The following ATOH8 variants were observed in gnomAD, a reference collection of about 807,000 sequenced individuals.
The protein encoded by ATOH8 is transcription factor ATOH8.
ATOH8 carries 9 observed loss-of-function variants against 21.2 expected under a neutral mutation model. The observed-to-expected ratio is 0.42, with a 90% confidence interval of 0.26 to 0.74. The LOEUF (loss-of-function observed/expected upper bound fraction) is 0.74, where lower values mean the gene tolerates loss of function less well. Among genes scored for constraint, ATOH8 ranks in the 30% least tolerant of loss-of-function variants. The probability of loss-of-function intolerance (pLI) is 0.24; values close to 1 mark genes in which losing one functional copy is unlikely to be tolerated. For synonymous variants in ATOH8, 253 were observed against 224.0 expected (o/e 1.13, Z -1.16); for missense variants, 524 against 470.9 (o/e 1.11, Z -1.04).
At chr2:85,768,551 G>T (rs764290859) in intron 2 of ATOH8, among the ~76,000 whole-genome samples, 2 of 151,192 alleles carry the variant, frequency 1.3e-5, no homozygotes, top group Non-Finnish European at 2.9e-5. Context: ...CCCATGCAGG[G>T]ACTGCTTCCC....
intron 2 of ATOH8, chr2:85,772,618 A>G: frequency 4.6e-6 from 2 of 430,172 alleles, no homozygotes; most frequent in Non-Finnish European, 9.2e-6. Context: ...ACCCTTTCAG[A>G]GCCTCATCAT....
rs899473065 is a variant in ATOH8, at chr2:85,788,522, T to C, written c.*1632T>C. On this transcript the variant is annotated 3_prime_UTR_variant, in exon 3 of 3. Coordinates refer to ENST00000306279, the MANE Select transcript of ATOH8 (RefSeq NM_032827.7). ...GCCCAAAGTCTCTTGTGTGGCCTTG[T>C]CACATTGCTTCACCTCAGCGGGCCT... Among the ~76,000 whole-genome samples, 1 of 152,104 alleles carries C rather than the reference T, an allele frequency of 6.6e-6. No homozygotes were observed. Among genetic ancestry groups the C allele is most frequent in the African/African-American group, 2.4e-5 (1 of 41,406 alleles).
At chr2:85,765,554 G>A (rs1679991032) in intron 2 of ATOH8, among the ~76,000 whole-genome samples, 1 of 152,208 alleles carries the variant, frequency 6.6e-6, no homozygotes, top group African/African-American at 2.4e-5. Flanking sequence ...GTAAATTAGG[G>A]CGTGATTGAT....
At chr2:85,763,857 T>TGTGTGTG in intron 1 of ATOH8, 134 bp from the exon 2 acceptor site, 2 of 697,038 alleles carry the variant, frequency 2.9e-6, no homozygotes, top group Non-Finnish European at 4.9e-6. Context: ...TGTGTGTGTG[T>TGTGTGTG]AAACAGCAGG....
intron 2 of ATOH8, among the ~76,000 whole-genome samples, chr2:85,765,857 G>A (rs1351654633): frequency 6.6e-6 from 1 of 152,206 alleles, no homozygotes; most frequent in Non-Finnish European, 1.5e-5. Context: ...GCCCGACAGA[G>A]CCGAGCTTTT....
Position 85,786,933 on chromosome 2 carries a change from T to C in ATOH8, c.*43T>C. 4 of 1,614,004 alleles carry C rather than the reference T, an allele frequency of 2.5e-6. No homozygotes were observed. Among genetic ancestry groups the C allele is most frequent in the Non-Finnish European group, 3.4e-6 (4 of 1,179,928 alleles). On this transcript the variant is annotated 3_prime_UTR_variant, in exon 3 of 3. Coordinates refer to ENST00000306279, the MANE Select transcript of ATOH8 (RefSeq NM_032827.7). ...CAAGGCCACCACTGTGGGCCCTCCT[T>C]CCAGTCAGGCCTGAGGACAAGGTGA...
At chr2:85,775,294 A>G (rs1204647588) in intron 2 of ATOH8, 1 of 985,144 alleles carries the variant, frequency 1.0e-6, no homozygotes, top group African/African-American at 1.7e-5. Flanking sequence ...TCTTTCCACT[A>G]AAATCCACAC....
At position 85,788,884 on chromosome 2, in the gene ATOH8, T is replaced by C. The variant is rs957176089; in HGVS notation, c.*1994T>C. On this transcript the variant is annotated 3_prime_UTR_variant, in exon 3 of 3. Coordinates refer to ENST00000306279, the MANE Select transcript of ATOH8 (RefSeq NM_032827.7). ...CAGAAACAGGGGACCCAGGTGGCCC[T>C]GAGCACTCCTCAGAGCAAAGGTGCT... Among the ~76,000 whole-genome samples, 30 of 152,266 alleles carry C rather than the reference T, an allele frequency of 2.0e-4. No individual in the cohort carries two copies. In the South Asian group the frequency reaches 3.9e-3, roughly 20 times the overall value.
intron 2 of ATOH8, chr2:85,781,176 C>A: frequency 3.0e-6 from 2 of 667,820 alleles, no homozygotes; most frequent in South Asian, 6.6e-5. Context: ...TGTGAGTACG[C>A]ATATGCATGG....
intron 2 of ATOH8, among the ~76,000 whole-genome samples, chr2:85,786,424 T>C (rs943134890): frequency 2.3e-4 from 35 of 152,326 alleles, no homozygotes; most frequent in African/African-American, 7.5e-4. Flanking sequence ...GGCAGGTGAA[T>C]GTGCTACAAC....
rs1253704326 is a variant in ATOH8, at chr2:85,785,201, C to A, written c.961-1684C>A. 6.6e-6 allele frequency among the ~76,000 whole-genome samples: 1 copy of A among 152,334 alleles called. No individual in the cohort carries two copies. The highest frequency in any genetic ancestry group is 1.5e-5 in the Non-Finnish European group (1 of 68,034). On this transcript the variant is annotated intron_variant, in intron 2 of 2. Transcript: ENST00000306279. This position sits in a 1 kb window ranked among gnomAD's most constrained non-coding sequence, Gnocchi z 4.1. Reference sequence around the variant, plus strand: ...TGAACAAGAGAAAAACCTTTTCTGCCCATGGCAGGGCCCGCCCAGGCAGCC... The same window carrying A: ...TGAACAAGAGAAAAACCTTTTCTGCACATGGCAGGGCCCGCCCAGGCAGCC...
chr2:85,755,307 G>C (rs373722464), intron 1 of ATOH8, among the ~76,000 whole-genome samples: 12 of 152,200 alleles, frequency 7.9e-5, no homozygotes, highest in Non-Finnish European at 1.5e-4. Context: ...GGAAATGTGG[G>C]AATCTGTCAG....
In ATOH8 at chr2:85,770,169, C is replaced by T. The variant is rs148284754; in HGVS notation, c.960+5987C>T. On this transcript the variant is annotated intron_variant, in intron 2 of 2. Transcript: ENST00000306279. ...CTTCCCGGGTATCACCTCGTGGGCT[C>T]CTCTCACCAACCCTTGAGGTGGGGG... 1.8e-4 allele frequency among the ~76,000 whole-genome samples: 27 copies of T among 152,142 alleles called. 1 individual carries two copies. In the East Asian group the frequency reaches 4.6e-3, roughly 26 times the overall value.
Position 85,779,435 on chromosome 2 carries a change from T to C in ATOH8, c.961-7450T>C, listed in dbSNP as rs550504215. 2.0e-4 allele frequency among the ~76,000 whole-genome samples: 31 copies of C among 152,376 alleles called. No homozygotes were observed. In the South Asian group the frequency reaches 4.3e-3, roughly 21 times the overall value. On this transcript the variant is annotated intron_variant, in intron 2 of 2. Transcript: ENST00000306279. ...AGCTCGGCAGCCAGAGAGAGTGGCC[T>C]GCAGCCTGAGAAGGCGTCAGCATGG...
At chr2:85,770,726 C>T (rs927328357) in intron 2 of ATOH8, among the ~76,000 whole-genome samples, 25 of 152,110 alleles carry the variant, frequency 1.6e-4, no homozygotes, top group African/African-American at 2.7e-4. Flanking sequence ...CGGGTGGTCT[C>T]GAGGCGAGGC....
At chr2:85,782,669 C>G (rs1356472068) in intron 2 of ATOH8, among the ~76,000 whole-genome samples, 1 of 148,634 alleles carries the variant, frequency 6.7e-6, no homozygotes, top group Non-Finnish European at 1.5e-5. Context: ...ATTGAGTCAA[C>G]CAGTATTTAT....
chr2:85,781,098 A>C, intron 2 of ATOH8: 4 of 987,736 alleles, frequency 4.0e-6, no homozygotes, highest in Non-Finnish European at 4.8e-6. Context: ...TTGAGTGTTA[A>C]AGAAAACACC....
At chr2:85,774,254 G>A in intron 2 of ATOH8, 1 of 985,600 alleles carries the variant, frequency 1.0e-6, no homozygotes, top group Non-Finnish European at 1.2e-6. Flanking sequence ...ACCAGAAATT[G>A]CTTTTGAACT....
At chr2:85,767,370 C>T (rs1277096766) in intron 2 of ATOH8, among the ~76,000 whole-genome samples, 1 of 151,914 alleles carries the variant, frequency 6.6e-6, no homozygotes, top group Non-Finnish European at 1.5e-5. Context: ...TCCTGCCACA[C>T]CACAGCCTGG....
Sources: gnomAD v4.1 joint callset for allele counts (sites outside exome capture counted in the v4.1 genomes callset) on GRCh38, gnomAD v4.1.1 for gene constraint, Gnocchi (gnomAD v3.1) non-coding constraint, MANE v1.5 for transcripts, NCBI Gene and HGNC (gene_info 2026-07-23, HGNC 2026-07-21) for gene names.